CEP63: variants seen among roughly 807,000 people sequenced by gnomAD.
The protein encoded by CEP63 is centrosomal protein of 63 kDa.
In CEP63, 84 loss-of-function variants were observed where a neutral mutation model predicts 89.1. The observed-to-expected ratio is 0.94, with a 90% CI of 0.79 to 1.13. CEP63 has a LOEUF of 1.13. Among genes scored for constraint, CEP63 ranks in the 50% most tolerant of loss-of-function variants. The pLI, the probability that CEP63 is intolerant of heterozygous loss-of-function variation, is 0.00. For synonymous variants in CEP63, 267 were observed against 272.5 expected (o/e 0.98, Z 0.20); for missense variants, 838 against 813.3 (o/e 1.03, Z -0.37).
chr3:134,782,433 G>A, the CEP63 span, among the ~76,000 whole-genome samples: 2 of 152,050 alleles, frequency 1.3e-5, no homozygotes, highest in Non-Finnish European at 2.9e-5. Context: ...TTGTTCTCAA[G>A]AAAAATTGCT....
At chr3:134,615,176 C>T in the CEP63 span, 1 of 152,366 alleles carries the variant, frequency 6.6e-6, no homozygotes, top group Non-Finnish European at 1.5e-5. Context: ...TAATAATTCT[C>T]TCTCCAGGGC....
chr3:134,736,453 A>C, the CEP63 span, among the ~76,000 whole-genome samples: 1 of 152,186 alleles, frequency 6.6e-6, no homozygotes. Flanking sequence ...TATAATTAAT[A>C]TGATGGATGG....
chr3:134,529,761 C>A (rs1949479796), intron 3 of CEP63, among the ~76,000 whole-genome samples: 1 of 152,140 alleles, frequency 6.6e-6, no homozygotes, highest in Non-Finnish European at 1.5e-5. Context: ...CCTGCCTCTG[C>A]CTCCTAAAGT....
intron 14 of CEP63, among the ~76,000 whole-genome samples, chr3:134,561,077 A>G: frequency 6.6e-6 from 1 of 152,246 alleles, no homozygotes; most frequent in Non-Finnish European, 1.5e-5. Context: ...AATAATAGGC[A>G]TTAACTATGG....
the CEP63 span, among the ~76,000 whole-genome samples, chr3:134,738,508 T>G: frequency 2.6e-5 from 4 of 152,206 alleles, no homozygotes; most frequent in Non-Finnish European, 4.4e-5. Flanking sequence ...CTAGTTTATA[T>G]TCCTCAGGAA....
chr3:134,564,634 T>C lies in CEP63; in HGVS notation c.*3099T>C. The C allele has an allele frequency of 2.0e-6, 2 of 985,264 alleles. No homozygotes were observed. Among genetic ancestry groups the C allele is most frequent in the East Asian group, 1.1e-4 (1 of 8,828 alleles). 61.0% of individuals were successfully genotyped at this position (985,264 alleles called of 1,614,324 possible). On this transcript the variant is annotated 3_prime_UTR_variant, in exon 15 of 15. Transcript: ENST00000675561. Reference sequence around the variant, plus strand: ...ATTTATCAGTAAAACTGAAATAATATCTAATGGGGTCGAGAAGATTTACTG... The same window carrying C: ...ATTTATCAGTAAAACTGAAATAATACCTAATGGGGTCGAGAAGATTTACTG...
At chr3:134,660,838 T>G in the CEP63 span, among the ~76,000 whole-genome samples, 6 of 152,202 alleles carry the variant, frequency 3.9e-5, no homozygotes, top group African/African-American at 1.4e-4. Context: ...CAGTCCATTT[T>G]CCTTCTGTAT....
chr3:134,547,600 C>T (rs1360514314), intron 9 of CEP63, 128 bp downstream of exon 9: 26 of 236,326 alleles, frequency 1.1e-4, no homozygotes, highest in South Asian at 1.1e-3. Context: ...CACAAATGGC[C>T]TAAGTTCTTA....
the CEP63 span, among the ~76,000 whole-genome samples, chr3:134,724,321 G>A: frequency 5.9e-5 from 9 of 152,300 alleles, no homozygotes; most frequent in East Asian, 1.7e-3. Context: ...ATGGCCAAAG[G>A]CTTTTCTGGT....
downstream of CEP63, among the ~76,000 whole-genome samples, chr3:134,592,402 TGA>T (rs1268372984): frequency 3.3e-5 from 5 of 152,058 alleles, no homozygotes; most frequent in Admixed American, 3.3e-4. Context: ...CTCTTCCTTT[TGA>T]ATGTAGGAGC....
At chr3:134,570,753 CT>C (rs1289554938) in intron 11 of CEP63, among the ~76,000 whole-genome samples, 3 of 152,160 alleles carry the variant, frequency 2.0e-5, no homozygotes, top group African/African-American at 7.2e-5. Flanking sequence ...TACCAATTTA[CT>C]GTATTAGTCT....
downstream of CEP63, among the ~76,000 whole-genome samples, chr3:134,578,574 C>T (rs1165151981): frequency 6.6e-6 from 1 of 152,140 alleles, no homozygotes; most frequent in Non-Finnish European, 1.5e-5. Context: ...AAGTGATCTG[C>T]CCACCTTGGC....
chr3:134,714,007 G>C, the CEP63 span, among the ~76,000 whole-genome samples: 4 of 152,314 alleles, frequency 2.6e-5, no homozygotes, highest in East Asian at 7.7e-4. Context: ...GTCTGTGAAA[G>C]GGATGGTGAG....
chr3:134,486,421 C>T (rs1427450064), intron 1 of CEP63: 1 of 985,368 alleles, frequency 1.0e-6, no homozygotes, highest in Non-Finnish European at 1.2e-6. Flanking sequence ...GAAGCCCAGT[C>T]CCTCGGCCTG....
chr3:134,773,693 C>T, the CEP63 span, among the ~76,000 whole-genome samples: 1 of 152,132 alleles, frequency 6.6e-6, no homozygotes, highest in Non-Finnish European at 1.5e-5. Context: ...CAGCCCACCC[C>T]CCCACCTTCT....
the CEP63 span, among the ~76,000 whole-genome samples, chr3:134,771,344 A>T: frequency 6.6e-6 from 1 of 152,206 alleles, no homozygotes; most frequent in African/African-American, 2.4e-5. Context: ...CATTCTCAGC[A>T]AACTAACACA....
At chr3:134,726,628 T>C in the CEP63 span, among the ~76,000 whole-genome samples, 2 of 152,102 alleles carry the variant, frequency 1.3e-5, no homozygotes, top group Non-Finnish European at 2.9e-5. Flanking sequence ...AGAAGCTTGA[T>C]CTGAATGCAA....
intron 3 of CEP63, among the ~76,000 whole-genome samples, chr3:134,515,252 A>G (rs1051160137): frequency 3.3e-5 from 5 of 152,212 alleles, no homozygotes; most frequent in Non-Finnish European, 7.3e-5. Flanking sequence ...AGTCCCAAAG[A>G]AGGCAAAAAA....
At chr3:134,701,180 TTA>T in the CEP63 span, among the ~76,000 whole-genome samples, 33 of 127,480 alleles carry the variant, frequency 2.6e-4, no homozygotes, top group Non-Finnish European at 3.2e-4. Flanking sequence ...CATACATACA[TTA>T]TATATATATA....
Sources: gnomAD v4.1 joint callset for allele counts (sites outside exome capture counted in the v4.1 genomes callset) on GRCh38, gnomAD v4.1.1 for gene constraint, MANE v1.5 for transcripts, NCBI Gene and HGNC (gene_info 2026-07-23, HGNC 2026-07-21) for gene names.